Variants in C19orf38 observed in about 807,000 individuals in gnomAD.
The protein encoded by C19orf38 is protein HIDE1.
C19orf38 carries 14 observed loss-of-function variants against 26.6 expected under a neutral mutation model. That is an observed-to-expected ratio of 0.53 (90% CI 0.35 to 0.82). The LOEUF is 0.82. C19orf38 is among the 40% of genes least tolerant of loss of function. The pLI is 0.01. For missense variants in C19orf38, 261 were observed against 299.5 expected, an observed-to-expected ratio of 0.87 and a Z score of 0.95; for synonymous variants, 132 against 128.5, an observed-to-expected ratio of 1.03 and a Z score of -0.18.
intron 1 of C19orf38, among the ~76,000 whole-genome samples, chr19:10,839,658 A>G (rs956180163): frequency 2.0e-5 from 3 of 152,116 alleles, no homozygotes; most frequent in Admixed American, 6.6e-5. Context: ...ACCATGTATC[A>G]ATATTTAATT....
chr19:10,852,170 G>C (rs1470936626), intron 2 of C19orf38, among the ~76,000 whole-genome samples: 1 of 151,588 alleles, frequency 6.6e-6, no homozygotes, highest in Non-Finnish European at 1.5e-5. Flanking sequence ...AAAAGATATT[G>C]ACCAGGCTAG....
rs371026775 is a variant in C19orf38 at position 10,858,226 on chromosome 19, T to TAAAAA, written c.434-68_434-64dup. Reference sequence around the variant, plus strand: ...CTGGGTGAAAGAATGAGACTCTGTCTAAAAAAAAAAAAAAAAAAAAAAAAA... The same window carrying TAAAAA: ...CTGGGTGAAAGAATGAGACTCTGTCTAAAAAAAAAAAAAAAAAAAAAAAAAAAAAA... On this transcript the variant is annotated intron_variant, in intron 3 of 6. Transcript: ENST00000397820. The TAAAAA allele has an allele frequency of 4.1e-3, 1,329 of 321,318 alleles. 8 individuals are homozygous for TAAAAA. Among genetic ancestry groups the TAAAAA allele is most frequent in the South Asian group, 8.7e-3 (260 of 30,046 alleles). The allele number at this position is 321,318 out of a possible 1,614,324, so 19.9% of individuals were successfully genotyped here.
intron 6 of C19orf38, among the ~76,000 whole-genome samples, chr19:10,868,015 C>T (rs1346667754): frequency 1.3e-5 from 2 of 152,206 alleles, no homozygotes; most frequent in East Asian, 3.9e-4. Context: ...TTTGTTGATC[C>T]ATTCAATTGT....
chr19:10,850,218 C>G (rs1023383952), intron 1 of C19orf38, 41 bp from the exon 2 acceptor site: 3 of 1,500,744 alleles, frequency 2.0e-6, no homozygotes, highest in Non-Finnish European at 2.7e-6. Context: ...GCAGCCTCCA[C>G]TCTCACCACG....
intron 1 of C19orf38, among the ~76,000 whole-genome samples, chr19:10,840,730 G>A (rs2073472333): frequency 6.6e-6 from 1 of 151,832 alleles, no homozygotes; most frequent in South Asian, 2.1e-4. Context: ...TGTTGGCCAG[G>A]ATGGTCTCAA....
At chr19:10,863,989 A>C (rs529727794) in intron 6 of C19orf38, among the ~76,000 whole-genome samples, 1 of 152,188 alleles carries the variant, frequency 6.6e-6, no homozygotes, top group East Asian at 1.9e-4. Context: ...AGAGAGTCCC[A>C]TAGACCCAGG....
chr19:10,863,819 A>G (rs1483617102), intron 6 of C19orf38, among the ~76,000 whole-genome samples: 1 of 152,178 alleles, frequency 6.6e-6, no homozygotes, highest in Non-Finnish European at 1.5e-5. Context: ...AGGCTGAGAC[A>G]GGAGAATCAC....
rs563431676 is a variant in C19orf38, at chr19:10,858,424, C to G, written c.461+81C>G. On this transcript the variant is annotated intron_variant, in intron 4 of 6. Coordinates refer to ENST00000397820, the MANE Select transcript of C19orf38 (RefSeq NM_001136482.3). ...CCTGGCAGGGTGGGCACTCCATGCC[C>G]CCCACAAACAGCGCCTCCTGGTGGG... 5.1e-5 allele frequency: 68 copies of G among 1,329,126 alleles called. 1 individual carries two copies. The Admixed American group carries it at 1.3e-3, about 25-fold the overall frequency. 82.3% of individuals were successfully genotyped at this position (1,329,126 alleles called of 1,614,324 possible). A position where few individuals can be genotyped will look rare whatever the true frequency, so the allele number is the denominator to read the frequency against.
chr19:10,855,178 C>T (rs1382293139), intron 2 of C19orf38, among the ~76,000 whole-genome samples: 2 of 151,698 alleles, frequency 1.3e-5, no homozygotes, highest in African/African-American at 4.8e-5. Flanking sequence ...GCTGGGATTA[C>T]AGGCACGTAA....
At chr19:10,852,391 T>C (rs960144391) in intron 2 of C19orf38, among the ~76,000 whole-genome samples, 2 of 152,170 alleles carry the variant, frequency 1.3e-5, no homozygotes, top group Non-Finnish European at 2.9e-5. Context: ...CCAATATATA[T>C]TCAACCTGCC....
upstream of C19orf38, among the ~76,000 whole-genome samples, chr19:10,845,368 C>A (rs748361055): frequency 6.6e-6 from 1 of 152,098 alleles, no homozygotes; most frequent in African/African-American, 2.4e-5. Flanking sequence ...ATTATATGAC[C>A]ACAAAGGAGT....
At chr19:10,862,030 C>A (rs1373996309) in intron 5 of C19orf38, among the ~76,000 whole-genome samples, 1 of 152,054 alleles carries the variant, frequency 6.6e-6, no homozygotes, top group Non-Finnish European at 1.5e-5. Context: ...TCCTGAGTAG[C>A]TGGGACTACA....
intron 6 of C19orf38, 51 bp from the exon 7 acceptor site, chr19:10,869,167 T>A: frequency 1.3e-6 from 2 of 1,547,564 alleles, no homozygotes; most frequent in East Asian, 4.9e-5. Flanking sequence ...AAACCCTAGA[T>A]CCTGAAACCC....
At chr19:10,850,685 A>C (rs1390306811) in intron 2 of C19orf38, 118 bp downstream of exon 2, 13 of 1,090,218 alleles carry the variant, frequency 1.2e-5, no homozygotes, top group Non-Finnish European at 1.7e-5. Context: ...CCCTGCCAGG[A>C]CTTACTCGCC....
At chr19:10,850,200 T>C in intron 1 of C19orf38, 59 bp from the exon 2 acceptor site, 1 of 1,458,876 alleles carries the variant, frequency 6.9e-7, no homozygotes, top group East Asian at 2.5e-5. Context: ...CGAGGCCACA[T>C]AGCCAGGGCA....
At chr19:10,863,065 C>T (rs1186560291) in intron 5 of C19orf38, 105 bp from the exon 6 acceptor site, 7 of 1,189,386 alleles carry the variant, frequency 5.9e-6, no homozygotes, top group Non-Finnish European at 8.5e-6. Context: ...GGGAGATGGA[C>T]CCCAATTGCT....
intron 6 of C19orf38, among the ~76,000 whole-genome samples, chr19:10,864,627 G>T (rs899991883): frequency 6.6e-6 from 1 of 152,200 alleles, no homozygotes; most frequent in Non-Finnish European, 1.5e-5. Flanking sequence ...TGGGGAAAGC[G>T]GGGATCAGTG....
intron 3 of C19orf38, among the ~76,000 whole-genome samples, chr19:10,857,321 T>TAC (rs1215156181): frequency 3.6e-4 from 42 of 117,840 alleles, no homozygotes; most frequent in African/African-American, 5.8e-4. Context: ...TATATATACA[T>TAC]ACACACACAC....
intron 6 of C19orf38, among the ~76,000 whole-genome samples, chr19:10,865,923 C>T (rs989522376): frequency 2.5e-4 from 38 of 152,104 alleles, no homozygotes; most frequent in African/African-American, 9.2e-4. Flanking sequence ...AAAGATCCTC[C>T]AGCCTCAGCC....
Sources: allele counts gnomAD v4.1 joint callset (sites outside exome capture counted in the v4.1 genomes callset), GRCh38; gene constraint gnomAD v4.1.1; transcripts MANE v1.5; gene names NCBI Gene and HGNC (gene_info 2026-07-23, HGNC 2026-07-21).